Variants in SART1 observed in about 807,000 individuals in gnomAD.
The protein encoded by SART1 is spliceosome associated factor 1, recruiter of U4/U6.U5 tri-snRNP.
Under a neutral mutation model 105.0 loss-of-function variants are expected in SART1, and 28 were observed. The ratio of observed to expected loss-of-function variants is 0.27; its 90% confidence interval spans 0.20 to 0.37. The LOEUF (loss-of-function observed/expected upper bound fraction) is 0.37, where lower values mean the gene tolerates loss of function less well. Among genes scored for constraint, SART1 ranks in the 10% least tolerant of loss-of-function variants. SART1 has a pLI of 1.00. For missense variants in SART1, 894 were observed against 1,106.5 expected (o/e 0.81, Z 2.72); for synonymous variants, 472 against 462.9 (o/e 1.02, Z -0.25).
At position 65,966,383 on chromosome 11, in the gene SART1, G is replaced by A. The variant is rs776680047; in HGVS notation, c.1015G>A (p.Glu339Lys). 2.0e-5 allele frequency: 32 copies of A among 1,613,878 alleles called. No homozygotes were observed. The South Asian group carries it at 2.3e-4, about 12-fold the overall frequency. Residue 339 changes from glutamate (E) to lysine (K), a missense_variant, in exon 9 of 20, where the codon GAA becomes AAA. Coordinates refer to ENST00000312397, the MANE Select transcript of SART1 (RefSeq NM_005146.5). ...TCGCTCTATCCTGTCCAAGTATGAC[G>A]AAGAGCTTGAAGGGGAGCGGCCACA... The part of the protein sequence containing the change: ...KPRSILSKYD[E>K]ELEGERPHSF...
Position 65,966,058 on chromosome 11 carries a change from G to A in SART1, c.839-18G>A. Reference sequence around the variant, plus strand: ...TTGCGGACAAGTGTGAATGGCCACTGCTCTGTGCTGCCCCCAGGCGTGCTG... The same window carrying A: ...TTGCGGACAAGTGTGAATGGCCACTACTCTGTGCTGCCCCCAGGCGTGCTG... On this transcript the variant is annotated intron_variant, in intron 7 of 19. Coordinates refer to ENST00000312397, the MANE Select transcript of SART1 (RefSeq NM_005146.5). The A allele has an allele frequency of 1.2e-6, 2 of 1,613,886 alleles. No individual in the cohort carries two copies. The highest frequency in any genetic ancestry group is 1.7e-6 in the Non-Finnish European group (2 of 1,179,918).
intron 12 of SART1, among the ~76,000 whole-genome samples, chr11:65,970,612 G>A (rs796393739): frequency 2.5e-5 from 3 of 120,250 alleles, no homozygotes; most frequent in African/African-American, 5.5e-5. Flanking sequence ...GCCCATGGCC[G>A]ATTGTTCTGG....
Position 65,978,051 on chromosome 11 carries a change from G to T in SART1, c.2172+152G>T. The T allele has an allele frequency of 3.9e-6, 3 of 775,586 alleles. No homozygotes were observed. The highest frequency in any genetic ancestry group is 2.7e-5 in the East Asian group (1 of 37,072). The allele number at this position is 775,586 out of a possible 1,614,324, so 48.0% of individuals were successfully genotyped here. A position where few individuals can be genotyped will look rare whatever the true frequency, so the allele number is the denominator to read the frequency against. On this transcript the variant is annotated intron_variant, in intron 17 of 19. Transcript: ENST00000312397. This position sits in a 1 kb window ranked among gnomAD's most constrained non-coding sequence, Gnocchi z 6.8. ...GGTGAATGCCACGGATGGGGAGGGG[G>T]CCCTCAGGGCTGAGGAAGGCTGTGC... is the stretch of plus-strand genomic sequence containing the variant.
intron 12 of SART1, among the ~76,000 whole-genome samples, chr11:65,973,838 T>C (rs1855430128): frequency 6.6e-6 from 1 of 152,168 alleles, no homozygotes; most frequent in East Asian, 1.9e-4. Context: ...CAGATTTTTT[T>C]ACAAAACAAA....
intron 12 of SART1, among the ~76,000 whole-genome samples, chr11:65,974,200 A>T (rs1185066521): frequency 1.5e-4 from 4 of 26,450 alleles, no homozygotes; most frequent in Admixed American, 3.4e-4. Context: ...CTCTCTACTA[A>T]AAAAAAAAAA....
chr11:65,963,882 C>T (rs1855195445), intron 1 of SART1, 192 bp from the exon 2 acceptor site: 2 of 612,136 alleles, frequency 3.3e-6, no homozygotes, highest in African/African-American at 1.8e-5. Context: ...ACAGAAGAGG[C>T]AGGGCTCTGA....
Position 65,964,258 on chromosome 11 carries a change from A to G in SART1, c.371+127A>G. ...TTGGAAAGATTGTTTAAATCATCTT[A>G]GCCAACAGTTGACTTATAGAAGAGA... On this transcript the variant is annotated intron_variant, in intron 2 of 19. Transcript: ENST00000312397. 7 of 938,870 alleles carry G rather than the reference A, an allele frequency of 7.5e-6. No individual in the cohort carries two copies. The East Asian group carries it at 1.8e-4, about 24-fold the overall frequency. The allele number at this position is 938,870 out of a possible 1,614,324, so 58.2% of individuals were successfully genotyped here.
chr11:65,978,591 C>T lies in SART1; in HGVS notation c.2173-9C>T, dbSNP rs771800383. 76 of 1,555,008 alleles carry T rather than the reference C, an allele frequency of 4.9e-5. No individual in the cohort carries two copies. Among genetic ancestry groups the T allele is most frequent in the South Asian group, 5.9e-5 (5 of 84,850 alleles). On this transcript the variant is annotated splice_polypyrimidine_tract_variant and intron_variant, in intron 17 of 19. Coordinates refer to ENST00000312397, the MANE Select transcript of SART1 (RefSeq NM_005146.5). The surrounding 1 kb of genome is among the most constrained non-coding windows in gnomAD (Gnocchi z 6.8). ...GCCCTGCATCTCCTCTCATGCCCCGCGTCCCCAGGCTTTCCGGCAGCTGTC... is the reference window on the plus strand; with the variant it reads ...GCCCTGCATCTCCTCTCATGCCCCGTGTCCCCAGGCTTTCCGGCAGCTGTC...
rs750567584 is a variant in SART1, at chr11:65,967,630, G to A, written c.1429+44G>A. 1.2e-5 allele frequency: 19 copies of A among 1,599,746 alleles called. 1 individual carries two copies. The Admixed American group carries it at 1.2e-4, about 10-fold the overall frequency. On this transcript the variant is annotated intron_variant, in intron 11 of 19. Coordinates refer to ENST00000312397, the MANE Select transcript of SART1 (RefSeq NM_005146.5). ...GGTGGGAGGGGCAGGGACAGGAGCC[G>A]CGGGTTGGAGGAGATGGTCTGAGCA... is the stretch of plus-strand genomic sequence containing the variant.
intron 5 of SART1, 93 bp from the exon 6 acceptor site, chr11:65,965,609 T>C (rs1454783692): frequency 2.2e-6 from 3 of 1,392,862 alleles, no homozygotes; most frequent in Non-Finnish European, 3.0e-6. Flanking sequence ...CTGCAAGGCC[T>C]GCCCTTTTTG....
In SART1 at chr11:65,977,929, C is replaced by A. The variant is rs779851149; in HGVS notation, c.2172+30C>A. 2.5e-6 allele frequency: 4 copies of A among 1,576,272 alleles called. No homozygotes were observed. The African/African-American group carries it at 5.4e-5, about 21-fold the overall frequency. On this transcript the variant is annotated intron_variant, in intron 17 of 19. Transcript: ENST00000312397. ...GCAGGGCCTTTTGCAGGCGGAGGCC[C>A]GGCCTGCCACAGGGAGGCCAAGCCC... is the stretch of plus-strand genomic sequence containing the variant.
chr11:65,976,974 C>A lies in SART1; in HGVS notation c.1858-40C>A, dbSNP rs377376434. ...ACCAGTGGGTGGGGCTGAGAAGAGC[C>A]GGTATGGCCTGCTAACCACCCCCGC... On this transcript the variant is annotated intron_variant, in intron 14 of 19. Transcript: ENST00000312397. The surrounding 1 kb of genome is among the most constrained non-coding windows in gnomAD (Gnocchi z 5.1). 1 of 1,509,818 alleles carries A rather than the reference C, an allele frequency of 6.6e-7. No homozygotes were observed. Among genetic ancestry groups the A allele is most frequent in the South Asian group, 1.1e-5 (1 of 88,888 alleles). 93.5% of individuals were successfully genotyped at this position (1,509,818 alleles called of 1,614,324 possible). A position where few individuals can be genotyped will look rare whatever the true frequency, so the allele number is the denominator to read the frequency against.
rs1455907525 is a variant in SART1, at chr11:65,964,085, A to G, written c.325A>G (p.Lys109Glu). The change falls in exon 2 of 20, where the codon AAA (lysine) becomes GAA (glutamate). Residue 109 changes from lysine to glutamate, a missense_variant. Physicochemically the swap from Lys to Glu is moderately conservative, Grantham distance 56 (BLOSUM62 1). Around this residue, in one of 2 missense-constraint regions of SART1, gnomAD observed 712 missense variants for 778.2 expected, o/e 0.91. Coordinates refer to ENST00000312397, the MANE Select transcript of SART1 (RefSeq NM_005146.5). ...TCTTCTTGTTCCAGCTGCCAGCTCC[A>G]AAACTAGCTCAGGCGATGCCTCCTC... ...DDGYEAAASS[K>E]TSSGDASSLS... The G allele has an allele frequency of 1.2e-6, 2 of 1,612,476 alleles. No individual in the cohort carries two copies. Among genetic ancestry groups the G allele is most frequent in the Admixed American group, 1.7e-5 (1 of 60,012 alleles).
intron 12 of SART1, among the ~76,000 whole-genome samples, chr11:65,970,539 C>T (rs1378006435): frequency 1.3e-5 from 2 of 151,928 alleles, no homozygotes; most frequent in Non-Finnish European, 2.9e-5. Context: ...TCATTTATTT[C>T]AGGAGGGAAG....
intron 3 of SART1, 112 bp downstream of exon 3, chr11:65,964,682 C>G (rs1222828251): frequency 9.2e-7 from 1 of 1,086,960 alleles, no homozygotes; most frequent in Admixed American, 2.7e-5. Flanking sequence ...CTTACACATG[C>G]ATATTTGCCG....
intron 5 of SART1, 41 bp from the exon 6 acceptor site, chr11:65,965,661 G>C (rs774227257): frequency 6.3e-7 from 1 of 1,587,020 alleles, no homozygotes; most frequent in East Asian, 2.2e-5. Context: ...TGGTGATGCT[G>C]AGTGGCCTGA....
Position 65,966,602 on chromosome 11 carries a change from C to T in SART1, c.1188+46C>T, listed in dbSNP as rs770426207. ...TACTCGGGGTCAAGATTCTCCCTCCCTCTGGGGCTCCTGCCCTGCCCGCAG... is the reference window on the plus strand; with the variant it reads ...TACTCGGGGTCAAGATTCTCCCTCCTTCTGGGGCTCCTGCCCTGCCCGCAG... On this transcript the variant is annotated intron_variant, in intron 9 of 19. Transcript: ENST00000312397. The T allele has an allele frequency of 4.2e-6, 6 of 1,441,882 alleles. No individual in the cohort carries two copies. The African/African-American group carries it at 7.2e-5, about 17-fold the overall frequency. 89.3% of individuals were successfully genotyped at this position (1,441,882 alleles called of 1,614,324 possible). A position where few individuals can be genotyped will look rare whatever the true frequency, so the allele number is the denominator to read the frequency against.
chr11:65,974,389 AAAC>A lies in SART1; in HGVS notation c.1573-2005_1573-2003del. Among the ~76,000 whole-genome samples, 2 of 148,464 alleles carry A rather than the reference AAAC, an allele frequency of 1.3e-5. 1 individual carries two copies. Among genetic ancestry groups the A allele is most frequent in the Admixed American group, 1.4e-4 (2 of 14,794 alleles). On this transcript the variant is annotated intron_variant, in intron 12 of 19. Transcript: ENST00000312397. Reference sequence around the variant, plus strand: ...TCTGTCTCAAAAAAAAAAAAAAAAAAAACCATATCAGCCGGGTGTGGTGGTTCA... The same window carrying A: ...TCTGTCTCAAAAAAAAAAAAAAAAAACATATCAGCCGGGTGTGGTGGTTCA...
intron 12 of SART1, among the ~76,000 whole-genome samples, chr11:65,975,065 A>G (rs180956538): frequency 4.6e-4 from 70 of 151,878 alleles, no homozygotes; most frequent in African/African-American, 1.4e-3. Context: ...TTAAAAGACA[A>G]ACAAACAAAC....
Sources: gnomAD v4.1 joint callset for allele counts (sites outside exome capture counted in the v4.1 genomes callset) on GRCh38, gnomAD v4.1.1 for gene constraint, gnomAD v4.1.1 regional missense constraint, Gnocchi (gnomAD v3.1) non-coding constraint, MANE v1.5 for transcripts, NCBI Gene and HGNC (gene_info 2026-07-23, HGNC 2026-07-21) for gene names.